The following CDH13 variants were observed in gnomAD, a reference collection of about 807,000 sequenced individuals.
CDH13 encodes the protein cadherin-13.
Under a neutral mutation model 63.8 loss-of-function variants are expected in CDH13, and 24 were observed. That is an observed-to-expected ratio of 0.38 (90% CI 0.27 to 0.53). The LOEUF is 0.53. Ranked by LOEUF, CDH13 falls within the 20% of genes least tolerant of loss-of-function variation. The pLI, the probability that CDH13 is intolerant of heterozygous loss-of-function variation, is 0.85. For missense variants in CDH13, 1,049 were observed against 903.1 expected, an observed-to-expected ratio of 1.16 and a Z score of -2.07; for synonymous variants, 503 against 355.3, an observed-to-expected ratio of 1.42 and a Z score of -4.67.
chr16:83,669,300 C>T (rs1337568263), intron 8 of CDH13, among the ~76,000 whole-genome samples: 1 of 152,092 alleles, frequency 6.6e-6, no homozygotes, highest in Non-Finnish European at 1.5e-5. Context: ...CTGGGGAATC[C>T]TGAATTGGAA....
intron 5 of CDH13, among the ~76,000 whole-genome samples, chr16:83,341,742 G>A (rs777151919): frequency 6.6e-6 from 1 of 152,034 alleles, no homozygotes; most frequent in Non-Finnish European, 1.5e-5. Context: ...ACTCCATTCG[G>A]AGTTGAGCAG....
At chr16:82,864,763 C>T (rs1188041311) in intron 2 of CDH13, among the ~76,000 whole-genome samples, 1 of 152,160 alleles carries the variant, frequency 6.6e-6, no homozygotes, top group African/African-American at 2.4e-5. Context: ...CATTTGAAAA[C>T]TAATCACACA....
intron 2 of CDH13, among the ~76,000 whole-genome samples, chr16:82,894,525 C>A (rs991629244): frequency 6.6e-6 from 1 of 152,092 alleles, no homozygotes; most frequent in Non-Finnish European, 1.5e-5. Context: ...ACCTGTAACC[C>A]CAGCTACTTG....
intron 5 of CDH13, among the ~76,000 whole-genome samples, chr16:83,271,271 C>T (rs1465543221): frequency 6.6e-6 from 1 of 151,376 alleles, no homozygotes; most frequent in Non-Finnish European, 1.5e-5. Flanking sequence ...TGCTCATCTT[C>T]TTGTATTTCC....
chr16:82,957,717 A>G (rs564415077), intron 2 of CDH13, among the ~76,000 whole-genome samples: 1 of 152,152 alleles, frequency 6.6e-6, no homozygotes, highest in Non-Finnish European at 1.5e-5. Context: ...TCTGAGCTTT[A>G]TTTTCCCACA....
intron 2 of CDH13, among the ~76,000 whole-genome samples, chr16:82,940,605 T>C (rs935861510): frequency 6.6e-6 from 1 of 152,210 alleles, no homozygotes; most frequent in Non-Finnish European, 1.5e-5. Context: ...CCTTAGCTGG[T>C]TCCTGCTTCA....
At chr16:83,124,577 C>G (rs923164046) in intron 3 of CDH13, among the ~76,000 whole-genome samples, 1 of 150,600 alleles carries the variant, frequency 6.6e-6, no homozygotes, top group Non-Finnish European at 1.5e-5. Context: ...GCCATAAATC[C>G]TTTGCCGAGG....
intron 4 of CDH13, among the ~76,000 whole-genome samples, chr16:83,190,599 A>G (rs1254018192): frequency 2.0e-5 from 3 of 152,176 alleles, no homozygotes; most frequent in Non-Finnish European, 4.4e-5. Flanking sequence ...GTTCATTAGG[A>G]TGGGTCTTCC....
chr16:83,045,689 AC>A (rs1275395502), intron 3 of CDH13, among the ~76,000 whole-genome samples: 3 of 151,744 alleles, frequency 2.0e-5, no homozygotes, highest in African/African-American at 7.3e-5. Context: ...AGGGAAAAAA[AC>A]ATCTCCAATG....
At chr16:82,951,809 G>C (rs564974794) in intron 2 of CDH13, among the ~76,000 whole-genome samples, 1 of 152,296 alleles carries the variant, frequency 6.6e-6, no homozygotes, top group Non-Finnish European at 1.5e-5. Flanking sequence ...GGGCTCAGCT[G>C]TTGTACACCC....
intron 1 of CDH13, chr16:82,773,547 C>T (rs1192995031): frequency 5.3e-5 from 8 of 152,144 alleles, no homozygotes; most frequent in African/African-American, 9.7e-5. Context: ...ATTTCAGGTG[C>T]TTTTATCATG....
chr16:82,966,820 C>A (rs1233681573), intron 2 of CDH13, among the ~76,000 whole-genome samples: 1 of 152,080 alleles, frequency 6.6e-6, no homozygotes, highest in East Asian at 1.9e-4. Flanking sequence ...TGATATTTCC[C>A]AAAAACAAGG....
intron 3 of CDH13, among the ~76,000 whole-genome samples, chr16:83,075,770 A>T (rs1043392410): frequency 2.0e-5 from 3 of 152,192 alleles, no homozygotes; most frequent in African/African-American, 7.2e-5. Context: ...TTGTGATCAG[A>T]TTTCCCTGTG....
intron 2 of CDH13, among the ~76,000 whole-genome samples, chr16:83,015,809 G>A (rs1914736899): frequency 6.7e-6 from 1 of 148,812 alleles, no homozygotes; most frequent in Non-Finnish European, 1.5e-5. Flanking sequence ...ACATGGGGCT[G>A]TCTATAATCA....
At chr16:82,769,190 C>G (rs185978193) in intron 1 of CDH13, among the ~76,000 whole-genome samples, 1 of 152,252 alleles carries the variant, frequency 6.6e-6, no homozygotes, top group Admixed American at 6.5e-5. Context: ...AACCCAACAC[C>G]ATGTAATAAT....
chr16:82,992,328 T>C (rs1287029256), intron 2 of CDH13, among the ~76,000 whole-genome samples: 1 of 152,212 alleles, frequency 6.6e-6, no homozygotes, highest in Non-Finnish European at 1.5e-5. Flanking sequence ...TTGTAAATGT[T>C]TTTAAAAGTC....
intron 4 of CDH13, among the ~76,000 whole-genome samples, chr16:83,191,052 G>C (rs56359842): frequency 6.6e-6 from 1 of 151,404 alleles, no homozygotes; most frequent in African/African-American, 2.4e-5. Context: ...TAGTGATTCC[G>C]AGCAAAGGTC....
intron 6 of CDH13, among the ~76,000 whole-genome samples, chr16:83,409,434 G>A (rs1437097549): frequency 2.6e-5 from 4 of 152,176 alleles, no homozygotes; most frequent in South Asian, 2.1e-4. Flanking sequence ...AGTAAGACCC[G>A]GGGCTATGAC....
At chr16:83,412,101 A>G (rs1249643022) in intron 6 of CDH13, among the ~76,000 whole-genome samples, 1 of 152,176 alleles carries the variant, frequency 6.6e-6, no homozygotes, top group African/African-American at 2.4e-5. Context: ...ACCATTAATG[A>G]CCACTTAAGA....
Sources: allele counts gnomAD v4.1 joint callset (sites outside exome capture counted in the v4.1 genomes callset), GRCh38; gene constraint gnomAD v4.1.1; transcripts MANE v1.5; gene names NCBI Gene and HGNC (gene_info 2026-07-23, HGNC 2026-07-21).